DLG2: variants seen among roughly 807,000 people sequenced by gnomAD.
DLG2 encodes the protein discs large MAGUK scaffold protein 2.
Under a neutral mutation model 132.5 loss-of-function variants are expected in DLG2, and 45 were observed. The ratio of observed to expected loss-of-function variants is 0.34; its 90% CI spans 0.27 to 0.44. The LOEUF (loss-of-function observed/expected upper bound fraction) is 0.44, where lower values mean the gene tolerates loss of function less well. Ranked by LOEUF, DLG2 falls within the 20% of genes least tolerant of loss-of-function variation. The probability of loss-of-function intolerance (pLI) is 1.00; values close to 1 mark genes in which losing one functional copy is unlikely to be tolerated. For synonymous variants in DLG2, 424 were observed against 419.6 expected (o/e 1.01, Z -0.13); for missense variants, 1,045 against 1,196.9 (o/e 0.87, Z 1.87).
chr11:84,278,520 G>A (rs1031497688), intron 7 of DLG2, among the ~76,000 whole-genome samples: 1 of 151,492 alleles, frequency 6.6e-6, no homozygotes, highest in Non-Finnish European at 1.5e-5. Context: ...ACCAGATGAA[G>A]ATATTACAAG....
At chr11:84,647,947 G>A (rs933185451) in intron 6 of DLG2, among the ~76,000 whole-genome samples, 3 of 152,110 alleles carry the variant, frequency 2.0e-5, no homozygotes, top group Non-Finnish European at 4.4e-5. Flanking sequence ...ATGGTGCTTA[G>A]TACTTAGCAT....
At chr11:85,078,758 G>C (rs1443994463) in intron 6 of DLG2, among the ~76,000 whole-genome samples, 1 of 152,044 alleles carries the variant, frequency 6.6e-6, no homozygotes, top group Non-Finnish European at 1.5e-5. Context: ...CATAGGTTAA[G>C]ATGAGAACTG....
chr11:84,107,250 C>G (rs935884740), intron 9 of DLG2, among the ~76,000 whole-genome samples: 1 of 151,840 alleles, frequency 6.6e-6, no homozygotes, highest in African/African-American at 2.4e-5. Flanking sequence ...TGAGTCCCAC[C>G]ATAGGTACTA....
intron 6 of DLG2, among the ~76,000 whole-genome samples, chr11:85,067,869 T>C (rs1436896520): frequency 6.6e-6 from 1 of 152,064 alleles, no homozygotes; most frequent in Non-Finnish European, 1.5e-5. Flanking sequence ...TTTGGACCAA[T>C]ATCCCTGATG....
intron 16 of DLG2, among the ~76,000 whole-genome samples, chr11:83,865,135 TAAAGAC>T (rs1264435275): frequency 6.6e-6 from 1 of 152,136 alleles, no homozygotes; most frequent in Non-Finnish European, 1.5e-5. Context: ...TCATGAAAGA[TAAAGAC>T]AAGACGGAAA....
intron 6 of DLG2, among the ~76,000 whole-genome samples, chr11:84,639,535 G>T (rs576415882): frequency 2.6e-4 from 40 of 152,128 alleles, no homozygotes; most frequent in African/African-American, 9.6e-4. Flanking sequence ...TTGTATGAAG[G>T]AACACTAGAC....
At chr11:84,080,603 CAAAT>C (rs552926613) in intron 10 of DLG2, among the ~76,000 whole-genome samples, 193 of 152,284 alleles carry the variant, frequency 1.3e-3, no homozygotes, top group Non-Finnish European at 2.0e-3. Context: ...TAATGACTAT[CAAAT>C]AGATTGTGTT....
intron 6 of DLG2, among the ~76,000 whole-genome samples, chr11:84,827,559 A>C (rs2078478569): frequency 6.6e-6 from 1 of 150,758 alleles, no homozygotes; most frequent in South Asian, 2.1e-4. Context: ...CCCCATTCCA[A>C]GAGTTAGGCA....
intron 7 of DLG2, chr11:84,273,392 C>T: frequency 7.9e-7 from 1 of 1,265,678 alleles, no homozygotes; most frequent in Non-Finnish European, 1.0e-6. Context: ...TATCTTAAGA[C>T]TTAAAAAAAA....
rs533997503 is a variant in DLG2, at chr11:83,993,468, A to G, written c.920-12826T>C. On this transcript the variant is annotated intron_variant, in intron 11 of 27. Coordinates refer to ENST00000376104, the MANE Select transcript of DLG2 (RefSeq NM_001142699.3). ...AGTATGTCAGTCTCTTCCCTAAACG[A>G]ACATTAAAAATGACCAATGACAGAC... Among the ~76,000 whole-genome samples, 3 of 152,282 alleles carry G rather than the reference A, an allele frequency of 2.0e-5. No homozygotes were observed. The East Asian group carries it at 5.8e-4, about 29-fold the overall frequency.
At chr11:84,435,109 A>C (rs962550736) in intron 7 of DLG2, among the ~76,000 whole-genome samples, 3 of 152,044 alleles carry the variant, frequency 2.0e-5, no homozygotes, top group Non-Finnish European at 4.4e-5. Flanking sequence ...CTGTTGATAA[A>C]CCATGGCAAC....
At chr11:84,995,737 A>G (rs1462651971) in intron 6 of DLG2, among the ~76,000 whole-genome samples, 1 of 152,088 alleles carries the variant, frequency 6.6e-6, no homozygotes, top group Non-Finnish European at 1.5e-5. Context: ...TTAAAAAAAA[A>G]GAGGAATGGA....
At chr11:84,740,884 A>G (rs986427952) in intron 6 of DLG2, among the ~76,000 whole-genome samples, 6 of 152,044 alleles carry the variant, frequency 3.9e-5, no homozygotes, top group African/African-American at 1.4e-4. Flanking sequence ...AATGGCTATC[A>G]GGCCATGCCC....
At chr11:85,047,517 G>A (rs1448029530) in intron 6 of DLG2, among the ~76,000 whole-genome samples, 1 of 151,718 alleles carries the variant, frequency 6.6e-6, no homozygotes, top group East Asian at 1.9e-4. Flanking sequence ...AGAAGGTTTA[G>A]CCTCAATGAA....
intron 3 of DLG2, among the ~76,000 whole-genome samples, chr11:85,567,111 C>T (rs986273429): frequency 1.8e-4 from 27 of 152,176 alleles, no homozygotes; most frequent in Admixed American, 4.6e-4. Context: ...AGTGTGAGTG[C>T]TCCAAATTCG....
intron 11 of DLG2, among the ~76,000 whole-genome samples, chr11:84,049,115 A>C (rs987447955): frequency 6.6e-6 from 1 of 151,710 alleles, no homozygotes; most frequent in Non-Finnish European, 1.5e-5. Flanking sequence ...AAAAAAACAA[A>C]AACCAGGAGC....
At chr11:85,536,485 T>G (rs1415369835) in intron 3 of DLG2, among the ~76,000 whole-genome samples, 2 of 152,192 alleles carry the variant, frequency 1.3e-5, no homozygotes, top group African/African-American at 2.4e-5. Flanking sequence ...CACTCGCTCT[T>G]GGGGCCTCCT....
At chr11:85,172,458 A>G (rs1164584366) in intron 4 of DLG2, among the ~76,000 whole-genome samples, 3 of 152,234 alleles carry the variant, frequency 2.0e-5, no homozygotes, top group African/African-American at 7.2e-5. Context: ...AACCCCATTC[A>G]AAGGTCAGCA....
At chr11:84,097,812 G>A (rs541001340) in intron 10 of DLG2, among the ~76,000 whole-genome samples, 2 of 152,230 alleles carry the variant, frequency 1.3e-5, no homozygotes, top group Non-Finnish European at 2.9e-5. Flanking sequence ...ATTAGGGCAT[G>A]TTATTCTTCC....
Sources: gnomAD v4.1 joint callset for allele counts (sites outside exome capture counted in the v4.1 genomes callset) on GRCh38, gnomAD v4.1.1 for gene constraint, MANE v1.5 for transcripts, NCBI Gene and HGNC (gene_info 2026-07-23, HGNC 2026-07-21) for gene names.